DENND5B: variants seen among roughly 807,000 people sequenced by gnomAD.
The protein encoded by DENND5B is DENN domain-containing protein 5B.
A neutral mutation model predicts 140.6 loss-of-function variants in DENND5B; 34 were observed. The ratio of observed to expected loss-of-function variants is 0.24; its 90% CI spans 0.18 to 0.32. DENND5B has a LOEUF of 0.32. Ranked by LOEUF, DENND5B falls within the 10% of genes least tolerant of loss-of-function variation. The pLI is 1.00. For synonymous variants in DENND5B, 551 were observed against 562.1 expected, an observed-to-expected ratio of 0.98 and a Z score of 0.28; for missense variants, 1,142 against 1,560.2, an observed-to-expected ratio of 0.73 and a Z score of 4.52.
chr12:31,499,498 A>T, intron 1 of DENND5B: 1 of 818,628 alleles, frequency 1.2e-6, no homozygotes, highest in Non-Finnish European at 1.7e-6. Context: ...AATAACATCT[A>T]CAAGTCTGAC....
chr12:31,578,123 T>C (rs1300513306), intron 1 of DENND5B, among the ~76,000 whole-genome samples: 1 of 82,178 alleles, frequency 1.2e-5, no homozygotes, highest in Non-Finnish European at 2.2e-5. Context: ...TGGGACGCTG[T>C]CTCAAAAAAA....
At chr12:31,427,605 CAAAAAAA>C (rs71062431) in intron 8 of DENND5B, among the ~76,000 whole-genome samples, 1 of 140,062 alleles carries the variant, frequency 7.1e-6, no homozygotes, top group Non-Finnish European at 1.5e-5. Flanking sequence ...GACTCCATCT[CAAAAAAA>C]AAAAAAAATC....
chr12:31,583,541 G>A (rs1950282693), intron 1 of DENND5B, among the ~76,000 whole-genome samples: 1 of 151,998 alleles, frequency 6.6e-6, no homozygotes, highest in Non-Finnish European at 1.5e-5. Flanking sequence ...AGCCAGGCAT[G>A]GTGGCACGCA....
In DENND5B at chr12:31,479,787, C is replaced by T; in HGVS notation, c.706G>A (p.Val236Ile). The T allele has an allele frequency of 6.2e-7, 1 of 1,612,108 alleles. No homozygotes were observed. Among genetic ancestry groups the T allele is most frequent in the South Asian group, 1.1e-5 (1 of 90,664 alleles). The change falls in exon 3 of 21, where the codon GTA becomes ATA. Residue 236 changes from valine to isoleucine, a missense_variant. Transcript: ENST00000389082. The part of the protein sequence containing the change: ...ESYIHNILYE[V>I]PLPPPGRSLK... ...GACCTCCCTGGAGGTGGAAGGGGTA[C>T]TTCATAAAGAATATTGTGGATATAG...
rs372695569 is a variant in DENND5B at position 31,444,685 on chromosome 12, T to C, written c.1862-1760A>G. ...ATTAAGGTATTGGTGCTTAGTTCCA[T>C]CTAAAAAATTCCATCAGGAAGGGAG... On this transcript the variant is annotated intron_variant, in intron 6 of 20. Transcript: ENST00000389082. Among the ~76,000 whole-genome samples the C allele has an allele frequency of 1.8e-4, 28 of 152,322 alleles. No individual in the cohort carries two copies. The East Asian group carries it at 3.5e-3, about 19-fold the overall frequency.
chr12:31,500,588 G>A (rs1946965190), intron 1 of DENND5B: 2 of 292,334 alleles, frequency 6.8e-6, no homozygotes, highest in South Asian at 5.6e-5. Context: ...GGCCAGGCAG[G>A]AGAATTACTG....
chr12:31,397,663 C>T (rs748444134), intron 17 of DENND5B, among the ~76,000 whole-genome samples: 3 of 151,032 alleles, frequency 2.0e-5, no homozygotes, highest in South Asian at 2.1e-4. Context: ...TGGTGGCACA[C>T]GCCTGTAATG....
chr12:31,423,562 C>A, intron 11 of DENND5B, 35 bp downstream of exon 11: 1 of 1,605,336 alleles, frequency 6.2e-7, no homozygotes, highest in South Asian at 1.1e-5. Context: ...TTCTCAGAGT[C>A]CAGTGCTGCT....
At chr12:31,398,468 C>T (rs957961518) in intron 16 of DENND5B, 106 bp from the exon 17 acceptor site, 16 of 1,120,018 alleles carry the variant, frequency 1.4e-5, no homozygotes, top group Non-Finnish European at 2.0e-5. Context: ...CCACACCTGG[C>T]TAATTTTTGT....
chr12:31,445,110 T>C (rs2138018557), intron 6 of DENND5B, among the ~76,000 whole-genome samples: 1 of 152,236 alleles, frequency 6.6e-6, no homozygotes, highest in South Asian at 2.1e-4. Context: ...ACTCCAACAT[T>C]TGAAGGGAAA....
chr12:31,425,584 A>C (rs1034631113), intron 9 of DENND5B, among the ~76,000 whole-genome samples: 1 of 152,220 alleles, frequency 6.6e-6, no homozygotes, highest in African/African-American at 2.4e-5. Context: ...TGGAAAGAAA[A>C]TGGAAATCAG....
At chr12:31,426,557 T>C in intron 8 of DENND5B, 133 bp from the exon 9 acceptor site, 1 of 1,043,062 alleles carries the variant, frequency 9.6e-7, no homozygotes, top group African/African-American at 1.6e-5. Flanking sequence ...TAACAACAAT[T>C]AATGTTTTAG....
Position 31,387,699 on chromosome 12 carries a change from G to A in DENND5B, c.3729C>T (p.Asp1243=). Residue 1243 remains aspartate (D), a synonymous_variant, in exon 21 of 21, where the codon GAC becomes GAT. Transcript: ENST00000389082. ...GGATAAGGGAGTTGACAGTCATGCG[G>A]TCTCGCAGGAGAGCGCTCTCTTCAT... is the stretch of plus-strand genomic sequence containing the variant. ...RMYEESALLR[D]RMTVNSLIRI... is the part of the protein sequence containing the mutation. The A allele has an allele frequency of 2.5e-6, 4 of 1,614,078 alleles. No homozygotes were observed. Among genetic ancestry groups the A allele is most frequent in the Non-Finnish European group, 3.4e-6 (4 of 1,179,898 alleles).
chr12:31,562,428 T>C (rs1484587236), intron 1 of DENND5B, among the ~76,000 whole-genome samples: 3 of 152,044 alleles, frequency 2.0e-5, no homozygotes, highest in Non-Finnish European at 4.4e-5. Flanking sequence ...CTGACCAACA[T>C]GGAGAAACCC....
chr12:31,395,942 C>CAG (rs1555131185), intron 17 of DENND5B, among the ~76,000 whole-genome samples: 6 of 91,822 alleles, frequency 6.5e-5, no homozygotes, highest in African/African-American at 2.2e-4. Context: ...ATCACTGGGC[C>CAG]AAAAAAAAAA....
At chr12:31,472,370 C>T (rs561035876) in intron 3 of DENND5B, among the ~76,000 whole-genome samples, 1 of 152,260 alleles carries the variant, frequency 6.6e-6, no homozygotes, top group African/African-American at 2.4e-5. Context: ...CGGCTCATTG[C>T]AACTTCCACC....
At chr12:31,472,275 C>G (rs903063930) in intron 3 of DENND5B, among the ~76,000 whole-genome samples, 1 of 152,118 alleles carries the variant, frequency 6.6e-6, no homozygotes, top group Non-Finnish European at 1.5e-5. Context: ...GTGAATAAAA[C>G]AGACCTTGAT....
chr12:31,424,527 A>C lies in DENND5B; in HGVS notation c.2391+8T>G. On this transcript the variant is annotated splice_region_variant and intron_variant, in intron 10 of 20. Transcript: ENST00000389082. Reference sequence around the variant, plus strand: ...GGCCATGTCACCAGGACCTCCTAAAACTGTTACCTGCTTGACCTGCAAGCC... The same window carrying C: ...GGCCATGTCACCAGGACCTCCTAAACCTGTTACCTGCTTGACCTGCAAGCC... 6.2e-7 allele frequency: 1 copy of C among 1,611,664 alleles called. No homozygotes were observed. Among genetic ancestry groups the C allele is most frequent in the East Asian group, 2.2e-5 (1 of 44,820 alleles).
intron 1 of DENND5B, among the ~76,000 whole-genome samples, chr12:31,577,633 C>G (rs1950060473): frequency 7.0e-6 from 1 of 142,264 alleles, no homozygotes; most frequent in African/African-American, 2.6e-5. Context: ...ACGGCGTGAA[C>G]CTGGGAGGCA....
Sources: allele counts gnomAD v4.1 joint callset (sites outside exome capture counted in the v4.1 genomes callset), GRCh38; gene constraint gnomAD v4.1.1; transcripts MANE v1.5; gene names NCBI Gene and HGNC (gene_info 2026-07-23, HGNC 2026-07-21).